Variants in DCAF1 observed in about 807,000 individuals in gnomAD.
DCAF1 encodes DDB1- and CUL4-associated factor 1.
In DCAF1, 15 loss-of-function variants were observed where a neutral mutation model predicts 128.0. That is an observed-to-expected ratio of 0.12 (90% CI 0.08 to 0.18). The LOEUF is 0.18. Among genes scored for constraint, DCAF1 ranks in the 10% least tolerant of loss-of-function variants. The pLI is 1.00. For synonymous variants in DCAF1, 610 were observed against 603.0 expected, an observed-to-expected ratio of 1.01 and a Z score of -0.17; for missense variants, 988 against 1,649.5, an observed-to-expected ratio of 0.60 and a Z score of 6.95.
intron 6 of DCAF1, among the ~76,000 whole-genome samples, chr3:51,458,598 C>A (rs1485303220): frequency 6.6e-6 from 1 of 152,210 alleles, no homozygotes; most frequent in Non-Finnish European, 1.5e-5. Flanking sequence ...TACCCCAAAT[C>A]AACAGAATAC....
chr3:51,482,727 T>C (rs1706374552), intron 3 of DCAF1, among the ~76,000 whole-genome samples: 1 of 134,368 alleles, frequency 7.4e-6, no homozygotes, highest in African/African-American at 2.9e-5. Flanking sequence ...ATCGTGCCAT[T>C]GCACTCCAGC....
chr3:51,413,371 T>C lies in DCAF1; in HGVS notation c.3947A>G (p.Asp1316Gly). Residue 1316 changes from aspartate (D) to glycine (G), a missense_variant, in exon 21 of 25, where the codon GAT becomes GGT. Physicochemically the swap from Asp to Gly is moderately conservative, Grantham distance 94. Around this residue, in one of 11 missense-constraint regions of DCAF1, gnomAD observed 85 missense variants for 204.6 expected, o/e 0.42. Transcript: ENST00000684031. ...CTCTTCCATTAAGTCATCTTCATCA[T>C]CTGCCTGCAACATAGCTTGAGGGGG... is the stretch of plus-strand genomic sequence containing the variant. ...TVMYGAMLQA[D>G]DEDDLMEERM... The C allele has an allele frequency of 1.2e-6, 2 of 1,613,132 alleles. No individual in the cohort carries two copies. The highest frequency in any genetic ancestry group is 1.7e-6 in the Non-Finnish European group (2 of 1,179,520).
At chr3:51,431,161 T>G (rs766251351) in intron 10 of DCAF1, among the ~76,000 whole-genome samples, 11 of 152,044 alleles carry the variant, frequency 7.2e-5, no homozygotes, top group Non-Finnish European at 1.5e-4. Flanking sequence ...AGCCAGACCC[T>G]GCCTCAAAAC....
chr3:51,499,471 A>G (rs1370042663), intron 1 of DCAF1, among the ~76,000 whole-genome samples: 1 of 152,176 alleles, frequency 6.6e-6, no homozygotes, highest in African/African-American at 2.4e-5. Context: ...CCCGCCGTAT[A>G]GTACGGAAGA....
chr3:51,431,341 AACCCCGTCTCT>A (rs1331068421), intron 10 of DCAF1, among the ~76,000 whole-genome samples: 1 of 151,178 alleles, frequency 6.6e-6, no homozygotes, highest in African/African-American at 2.4e-5. Context: ...AACATGGTAA[AACCCCGTCTCT>A]ACTGAAAAAA....
chr3:51,433,794 G>T (rs1403362224), intron 9 of DCAF1, among the ~76,000 whole-genome samples: 1 of 149,782 alleles, frequency 6.7e-6, no homozygotes, highest in African/African-American at 2.4e-5. Flanking sequence ...AGATATTGCT[G>T]TAAGGGCTGG....
At chr3:51,456,373 T>C (rs953707739) in intron 6 of DCAF1, among the ~76,000 whole-genome samples, 9 of 152,180 alleles carry the variant, frequency 5.9e-5, no homozygotes, top group East Asian at 1.9e-4. Context: ...GCGCCCGCCA[T>C]TGCTGAGTTA....
chr3:51,420,853 G>C lies in DCAF1; in HGVS notation c.2117C>G (p.Thr706Ser). ...ISSIGKFISG[T>S]PRRKLPQNPK... ...GTTCTGAGGCAGCTTTCTCCGAGGA[G>C]TACCAGAGATAAATTTACCAATACT... is the stretch of plus-strand genomic sequence containing the variant. Residue 706 changes from threonine (T) to serine (S), a missense_variant, in exon 15 of 25, where the codon ACT (threonine) becomes AGT (serine). This residue lies in a region of DCAF1 where 185 missense variants were observed against 248.1 expected (regional missense o/e 0.75). Transcript: ENST00000684031. The surrounding 1 kb of genome is among the most constrained non-coding windows in gnomAD (Gnocchi z 6.5). The C allele has an allele frequency of 6.2e-7, 1 of 1,614,032 alleles. No homozygotes were observed.
At chr3:51,498,170 G>C (rs944748794) in intron 1 of DCAF1, among the ~76,000 whole-genome samples, 2 of 147,862 alleles carry the variant, frequency 1.4e-5, no homozygotes, top group African/African-American at 5.0e-5. Context: ...GACCAGCCTG[G>C]CCAATATGCT....
intron 4 of DCAF1, 110 bp downstream of exon 4, chr3:51,470,819 T>G (rs1577253725): frequency 1.5e-6 from 1 of 646,330 alleles, no homozygotes; most frequent in African/African-American, 1.8e-5. Flanking sequence ...ATTCAAAAAT[T>G]TTCCCATAAG....
intron 3 of DCAF1, among the ~76,000 whole-genome samples, chr3:51,481,006 G>A (rs1706123256): frequency 1.3e-5 from 2 of 152,160 alleles, no homozygotes; most frequent in Non-Finnish European, 2.9e-5. Flanking sequence ...TAGAAAGAGT[G>A]AAAAGTAAAG....
At chr3:51,499,397 C>A (rs1708589378) in intron 1 of DCAF1, among the ~76,000 whole-genome samples, 1 of 152,042 alleles carries the variant, frequency 6.6e-6, no homozygotes, top group African/African-American at 2.4e-5. Flanking sequence ...GGCACGAGGC[C>A]GAGAGACGGG....
At chr3:51,404,903 A>T (rs549187148) in intron 23 of DCAF1, among the ~76,000 whole-genome samples, 3 of 152,310 alleles carry the variant, frequency 2.0e-5, no homozygotes, top group African/African-American at 7.2e-5. Context: ...AACAATGATA[A>T]ACTGAAACAC....
chr3:51,420,203 C>T lies in DCAF1; in HGVS notation c.2767G>A (p.Ala923Thr). The T allele has an allele frequency of 6.2e-7, 1 of 1,613,964 alleles. No individual in the cohort carries two copies. The highest frequency in any genetic ancestry group is 8.5e-7 in the Non-Finnish European group (1 of 1,179,884). ...GGATGAGCAGTAGGGGCAGAAGGCG[C>T]AGAGGCACCCACAGCAGCATGGCTG... ...LGSHAAVGAS[A>T]PSAPTAHPQP... The change falls in exon 15 of 25, where the codon GCG becomes ACG. Residue 923 changes from alanine (A) to threonine (T), a missense_variant. Physicochemically the swap from Ala to Thr is moderately conservative, Grantham distance 58. This residue lies in a region of DCAF1 where 88 missense variants were observed against 107.7 expected (regional missense o/e 0.82). Coordinates refer to ENST00000684031, the MANE Select transcript of DCAF1 (RefSeq NM_001387579.1). The surrounding 1 kb of genome is among the most constrained non-coding windows in gnomAD (Gnocchi z 6.5).
intron 12 of DCAF1, among the ~76,000 whole-genome samples, chr3:51,428,255 G>A (rs782116657): frequency 2.0e-5 from 3 of 150,504 alleles, no homozygotes; most frequent in Non-Finnish European, 4.4e-5. Flanking sequence ...GATCACGTGC[G>A]GCCTCAAACC....
At chr3:51,418,257 A>G (rs1577082306) in intron 16 of DCAF1, 59 bp from the exon 17 acceptor site, 4 of 1,531,704 alleles carry the variant, frequency 2.6e-6, no homozygotes, top group Non-Finnish European at 2.6e-6. Context: ...AGATGTCACT[A>G]CCTGCCATTA....
At chr3:51,443,980 C>T (rs965372993) in intron 6 of DCAF1, 77 bp from the exon 7 acceptor site, 2 of 1,402,164 alleles carry the variant, frequency 1.4e-6, no homozygotes, top group South Asian at 3.0e-5. Flanking sequence ...AGATTTCAGT[C>T]TCATGAAAAA....
intron 23 of DCAF1, among the ~76,000 whole-genome samples, chr3:51,407,645 G>A (rs1404391442): frequency 1.3e-5 from 2 of 152,138 alleles, no homozygotes; most frequent in African/African-American, 4.8e-5. Flanking sequence ...CTTGGGTTTT[G>A]TAACTTTTCT....
chr3:51,433,148 C>T lies in DCAF1; in HGVS notation c.1245G>A (p.Met415Ile). 1 of 398,518 alleles carries T rather than the reference C, an allele frequency of 2.5e-6. No individual in the cohort carries two copies. Among genetic ancestry groups the T allele is most frequent in the Non-Finnish European group, 4.4e-6 (1 of 226,058 alleles). 24.7% of individuals were successfully genotyped at this position (398,518 alleles called of 1,614,324 possible). A position where few individuals can be genotyped will look rare whatever the true frequency, so the allele number is the denominator to read the frequency against. The change falls in exon 10 of 25, where the codon ATG becomes ATA. Residue 415 changes from methionine to isoleucine, a missense_variant. By Grantham distance (10) the Met-to-Ile change is conservative. Coordinates refer to ENST00000684031, the MANE Select transcript of DCAF1 (RefSeq NM_001387579.1). ...RPSMAATGVS[M>I]CLYYLSYNQD... ...GATTGTAGGATAGGTAATACAAACA[C>T]ATAGACACACCGGTTGCAGCCATAG...
Sources: allele counts gnomAD v4.1 joint callset (sites outside exome capture counted in the v4.1 genomes callset), GRCh38; gene constraint gnomAD v4.1.1; regional missense constraint gnomAD v4.1.1; non-coding constraint Gnocchi (gnomAD v3.1); transcripts MANE v1.5; gene names NCBI Gene and HGNC (gene_info 2026-07-23, HGNC 2026-07-21).